Variants in ANO6 observed in about 807,000 individuals in gnomAD.
ANO6 encodes the protein anoctamin 6, also known as anoctamin-6.
ANO6 carries 106 observed loss-of-function variants against 117.5 expected under a neutral mutation model. The observed-to-expected ratio is 0.90, with a 90% confidence interval of 0.77 to 1.06. The LOEUF (loss-of-function observed/expected upper bound fraction) is 1.06, where lower values mean the gene tolerates loss of function less well. ANO6 is among the 50% of genes least tolerant of loss of function. The pLI is 0.00. For synonymous variants in ANO6, 367 were observed against 385.1 expected, an observed-to-expected ratio of 0.95 and a Z score of 0.55; for missense variants, 955 against 1,121.1, an observed-to-expected ratio of 0.85 and a Z score of 2.12.
chr12:45,434,799 T>A (rs1401901374), downstream of ANO6, among the ~76,000 whole-genome samples: 1 of 152,196 alleles, frequency 6.6e-6, no homozygotes, highest in Non-Finnish European at 1.5e-5. Context: ...AGGAAATTGT[T>A]TAAATGCTCT....
chr12:45,425,157 A>T (rs1452628578), intron 19 of ANO6, among the ~76,000 whole-genome samples: 3 of 113,762 alleles, frequency 2.6e-5, no homozygotes, highest in Non-Finnish European at 6.3e-5. Context: ...TCTAGAAATT[A>T]AAATAAAATC....
At chr12:45,348,393 T>G in intron 5 of ANO6, 78 bp downstream of exon 5, 1 of 1,599,520 alleles carries the variant, frequency 6.3e-7, no homozygotes, top group Non-Finnish European at 8.6e-7. Flanking sequence ...GGTTTGGTTT[T>G]ATTTTTAAAA....
intron 16 of ANO6, 95 bp downstream of exon 16, chr12:45,409,582 C>CATATTGAAATGAAGA: frequency 7.2e-7 from 1 of 1,396,956 alleles, no homozygotes; most frequent in East Asian, 2.3e-5. Context: ...TAACATTTAG[C>CATATTGAAATGAAGA]ATATTGAAAT....
chr12:45,371,321 C>T (rs1476670282), intron 9 of ANO6, among the ~76,000 whole-genome samples: 5 of 152,250 alleles, frequency 3.3e-5, no homozygotes, highest in African/African-American at 1.2e-4. Flanking sequence ...CTTAGGTAAA[C>T]AAAGCAGCCA....
chr12:45,237,277 G>A (rs1947660822), intron 1 of ANO6, among the ~76,000 whole-genome samples: 1 of 152,204 alleles, frequency 6.6e-6, no homozygotes, highest in African/African-American at 2.4e-5. Context: ...TGCTTCTGGT[G>A]TTTTAGACAT....
chr12:45,260,674 G>A (rs982993448), intron 1 of ANO6, among the ~76,000 whole-genome samples: 2 of 152,224 alleles, frequency 1.3e-5, no homozygotes, highest in Non-Finnish European at 1.5e-5. Flanking sequence ...AGGCCATCCA[G>A]TTAACAGAAT....
chr12:45,434,143 T>C (rs1943681281), downstream of ANO6, among the ~76,000 whole-genome samples: 1 of 152,218 alleles, frequency 6.6e-6, no homozygotes, highest in African/African-American at 2.4e-5. Context: ...TAATCAAACC[T>C]AGTTCTTCTA....
intron 1 of ANO6, among the ~76,000 whole-genome samples, chr12:45,254,099 G>A (rs1276637460): frequency 2.0e-5 from 3 of 152,234 alleles, no homozygotes; most frequent in East Asian, 1.9e-4. Flanking sequence ...CCCGGGAGGC[G>A]GAGGTTGCAG....
chr12:45,350,663 A>G lies in ANO6; in HGVS notation c.752A>G (p.Lys251Arg). 2.5e-6 allele frequency: 4 copies of G among 1,613,542 alleles called. No individual in the cohort carries two copies. Among genetic ancestry groups the G allele is most frequent in the Non-Finnish European group, 3.4e-6 (4 of 1,179,596 alleles). ...YKAAFPLHDCKFRRQSEDPSC... is the reference protein window; with the variant it reads ...YKAAFPLHDCRFRRQSEDPSC... ...ATGTTCCCTTCTGCGTCACAGTGCAAATTCCGCCGTCAGTCAGAGGATCCC... is the reference window on the plus strand; with the variant it reads ...ATGTTCCCTTCTGCGTCACAGTGCAGATTCCGCCGTCAGTCAGAGGATCCC... Residue 251 changes from lysine (K) to arginine (R), a missense_variant, in exon 7 of 20, where the codon AAA becomes AGA. By Grantham distance (26) the Lys-to-Arg change is conservative. Transcript: ENST00000320560.
At chr12:45,224,739 G>T (rs1427767407) in intron 1 of ANO6, among the ~76,000 whole-genome samples, 2 of 152,130 alleles carry the variant, frequency 1.3e-5, no homozygotes, top group East Asian at 1.9e-4. Context: ...TTTTCTCAAG[G>T]GGTTGCAGCA....
chr12:45,225,224 A>G (rs1229710649), intron 1 of ANO6, among the ~76,000 whole-genome samples: 1 of 150,890 alleles, frequency 6.6e-6, no homozygotes, highest in Admixed American at 6.6e-5. Flanking sequence ...GCTTTAAATT[A>G]AAGGATGATA....
chr12:45,354,911 A>G (rs58409854), intron 7 of ANO6, among the ~76,000 whole-genome samples: 4,983 of 152,304 alleles, frequency 0.033, 246 homozygotes, highest in African/African-American at 0.11. Context: ...TGAGGCAAGG[A>G]GTTGAAAGAG....
intron 1 of ANO6, among the ~76,000 whole-genome samples, chr12:45,224,567 A>T (rs1947453278): frequency 6.6e-6 from 1 of 152,166 alleles, no homozygotes; most frequent in Non-Finnish European, 1.5e-5. Flanking sequence ...AAGTCCACAG[A>T]CATGATTTAT....
In ANO6 at chr12:45,357,417, A is replaced by G. The variant is rs1345800241; in HGVS notation, c.991A>G (p.Thr331Ala). 6.2e-7 allele frequency: 1 copy of G among 1,613,534 alleles called. No individual in the cohort carries two copies. Among genetic ancestry groups the G allele is most frequent in the Admixed American group, 1.7e-5 (1 of 60,024 alleles). The change falls in exon 8 of 20, where the codon ACA becomes GCA. Residue 331 changes from threonine (T) to alanine (A), a missense_variant. Thr to Ala is a moderately conservative substitution (Grantham distance 58). Transcript: ENST00000320560. ...TGGATATCTTAATCAAGATAACTGTACATGGAGGTAACCTCTGTTTATTCC... is the reference window on the plus strand; with the variant it reads ...TGGATATCTTAATCAAGATAACTGTGCATGGAGGTAACCTCTGTTTATTCC... ...LYGYLNQDNC[T>A]WSKEVCHPDI...
At chr12:45,246,279 A>G (rs908928091) in intron 1 of ANO6, among the ~76,000 whole-genome samples, 2 of 152,220 alleles carry the variant, frequency 1.3e-5, no homozygotes, top group Non-Finnish European at 2.9e-5. Flanking sequence ...GTTTGGAGCC[A>G]ATGAGTAAAG....
At chr12:45,359,017 C>T (rs1213841304) in intron 8 of ANO6, among the ~76,000 whole-genome samples, 1 of 152,184 alleles carries the variant, frequency 6.6e-6, no homozygotes, top group Non-Finnish European at 1.5e-5. Flanking sequence ...CTCCTGACCT[C>T]AGGTGATCCG....
chr12:45,218,219 G>T lies in ANO6; in HGVS notation c.70+1828G>T, dbSNP rs564350832. 1.1e-4 allele frequency among the ~76,000 whole-genome samples: 16 copies of T among 151,972 alleles called. No individual in the cohort carries two copies. In the East Asian group the frequency reaches 2.9e-3, roughly 27 times the overall value. On this transcript the variant is annotated intron_variant, in intron 1 of 19. Transcript: ENST00000320560. ...TAGTAGGGCATTTCCCACTATTCCT[G>T]TGGGGCCCTGGGGTCTCTACTGTAG...
At chr12:45,354,194 C>T (rs997548819) in intron 7 of ANO6, among the ~76,000 whole-genome samples, 8 of 143,726 alleles carry the variant, frequency 5.6e-5, no homozygotes, top group African/African-American at 1.5e-4. Flanking sequence ...CACAGCAGCT[C>T]AGAACGCTGG....
chr12:45,375,596 C>A (rs1454778278), intron 9 of ANO6, among the ~76,000 whole-genome samples: 1 of 152,114 alleles, frequency 6.6e-6, no homozygotes, highest in Non-Finnish European at 1.5e-5. Flanking sequence ...CAAAAACAAG[C>A]AATGGGGAAA....
Sources: allele counts gnomAD v4.1 joint callset (sites outside exome capture counted in the v4.1 genomes callset), GRCh38; gene constraint gnomAD v4.1.1; transcripts MANE v1.5; gene names NCBI Gene and HGNC (gene_info 2026-07-23, HGNC 2026-07-21).